The following ZNF91 variants were observed in gnomAD, a reference collection of about 807,000 sequenced individuals.
ZNF91 encodes the protein zinc finger protein 91 (HPF7, HTF10).
In ZNF91, 7 loss-of-function variants were observed where a neutral mutation model predicts 12.6. The ratio of observed to expected loss-of-function variants is 0.55; its 90% CI spans 0.31 to 1.04. ZNF91 has a LOEUF of 1.04. Among genes scored for constraint, ZNF91 ranks in the 50% least tolerant of loss-of-function variants. ZNF91 has a pLI of 0.05. For synonymous variants in ZNF91, 453 were observed against 462.6 expected, an observed-to-expected ratio of 0.98 and a Z score of 0.27; for missense variants, 1,217 against 1,385.4, an observed-to-expected ratio of 0.88 and a Z score of 1.93.
intron 3 of ZNF91, among the ~76,000 whole-genome samples, chr19:23,369,931 A>G (rs540899645): frequency 6.3e-4 from 93 of 148,488 alleles, no homozygotes; most frequent in African/African-American, 2.3e-3. Context: ...TTATCTGCTG[A>G]CCTTCCCTCC....
intron 1 of ZNF91, among the ~76,000 whole-genome samples, chr19:23,309,962 C>T (rs1391419801): frequency 6.6e-6 from 1 of 152,034 alleles, no homozygotes; most frequent in Non-Finnish European, 1.5e-5. Flanking sequence ...GGATGCAGTC[C>T]ACAGTTAAAA....
At position 23,360,202 on chromosome 19, in the gene ZNF91, G is replaced by C. The variant is rs1327955365; in HGVS notation, c.2777C>G (p.Thr926Ser). 6.2e-7 allele frequency: 1 copy of C among 1,613,840 alleles called. No homozygotes were observed. Among genetic ancestry groups the C allele is most frequent in the Middle Eastern group, 1.7e-4 (1 of 6,060 alleles). ...TCCAGTGTGCATCCTCTTATGTGTA[G>C]TAAGGTGTGAAGGCTGGCTAAATGC... Reference protein sequence around the residue: ...GKAFSQPSHLTTHKRMHTGEK... With the variant: ...GKAFSQPSHLSTHKRMHTGEK... The change falls in exon 4 of 4, where the codon ACT becomes AGT. Residue 926 changes from threonine (T) to serine (S), a missense_variant. Physicochemically the swap from Thr to Ser is moderately conservative, Grantham distance 58 (BLOSUM62 1). Transcript: ENST00000300619.
chr19:23,360,623 T>C lies in ZNF91; in HGVS notation c.2356A>G (p.Thr786Ala), dbSNP rs1968699559. 6.2e-7 allele frequency: 1 copy of C among 1,613,848 alleles called. No individual in the cohort carries two copies. The highest frequency in any genetic ancestry group is 8.5e-7 in the Non-Finnish European group (1 of 1,179,912). The stretch of plus-strand genomic sequence containing the variant: ...CCAGTGTGTATCCTCTTATGTCTAG[T>C]TAGGGTTGAAGACCATATAAATGCT... Reference protein sequence around the residue: ...GKAFIWSSTLTRHKRIHTGEK... With the variant: ...GKAFIWSSTLARHKRIHTGEK... The change falls in exon 4 of 4, where the codon ACT (threonine) becomes GCT (alanine). Residue 786 changes from threonine to alanine, a missense_variant. Around this residue, in one of 2 missense-constraint regions of ZNF91, gnomAD observed 491 missense variants for 489.8 expected, o/e 1.00. Transcript: ENST00000300619.
At chr19:23,378,474 G>A (rs1969583432) in intron 1 of ZNF91, among the ~76,000 whole-genome samples, 1 of 152,136 alleles carries the variant, frequency 6.6e-6, no homozygotes, top group Admixed American at 6.5e-5. Flanking sequence ...AACGAAAACA[G>A]AAACTTAAAT....
intron 1 of ZNF91, among the ~76,000 whole-genome samples, chr19:23,385,802 C>T (rs548893981): frequency 7.9e-5 from 12 of 152,138 alleles, no homozygotes; most frequent in Non-Finnish European, 1.5e-4. Context: ...TTGAATTTTA[C>T]GGGTTTTGGA....
intron 2 of ZNF91, among the ~76,000 whole-genome samples, chr19:23,374,284 C>A (rs1172434163): frequency 9.9e-5 from 15 of 151,300 alleles, no homozygotes; most frequent in Admixed American, 9.9e-4. Context: ...GAAATGAAGC[C>A]TGTAATCCCA....
rs576565919 is a variant in ZNF91 at position 23,381,441 on chromosome 19, C to T, written c.31-6677G>A. On this transcript the variant is annotated intron_variant, in intron 1 of 3. Coordinates refer to ENST00000300619, the MANE Select transcript of ZNF91 (RefSeq NM_003430.4). ...CACACTCCACTTTTCAGTTTATAAACTGAACTCTTTTTTTCTTTCTCTTTT... is the reference window on the plus strand; with the variant it reads ...CACACTCCACTTTTCAGTTTATAAATTGAACTCTTTTTTTCTTTCTCTTTT... Among the ~76,000 whole-genome samples, 6 of 151,060 alleles carry T rather than the reference C, an allele frequency of 4.0e-5. No individual in the cohort carries two copies. The East Asian group carries it at 9.7e-4, about 24-fold the overall frequency.
chr19:23,347,391 T>G lies in ZNF91; in HGVS notation c.254-8337A>C, dbSNP rs80058882. On this transcript the variant is annotated intron_variant, in intron 3 of 3. Transcript: ENST00000599743. ...CCTGCAGAAAGCTACCGTCATTCAT[T>G]GCAGGGACCATCAAACCCCAGACAA... Among the ~76,000 whole-genome samples, 545 of 152,264 alleles carry G rather than the reference T, an allele frequency of 3.6e-3. 3 individuals carry two copies. The highest frequency in any genetic ancestry group is 0.013 in the African/African-American group (529 of 41,556).
chr19:23,380,072 T>C (rs961277876), intron 1 of ZNF91, among the ~76,000 whole-genome samples: 3 of 151,846 alleles, frequency 2.0e-5, no homozygotes, highest in South Asian at 2.1e-4. Context: ...CTGGTCAACA[T>C]AGTGAAGCCC....
intron 1 of ZNF91, among the ~76,000 whole-genome samples, chr19:23,316,203 G>A (rs73018387): frequency 0.063 from 8,779 of 140,356 alleles, 347 homozygotes; most frequent in Non-Finnish European, 0.095. Flanking sequence ...CACATGTTTT[G>A]GGTTTTGTGA....
chr19:23,324,804 G>C (rs541340772), intron 1 of ZNF91: 2 of 151,950 alleles, frequency 1.3e-5, no homozygotes, highest in Non-Finnish European at 2.9e-5. Flanking sequence ...ACTTCTGGGC[G>C]CAAGCTCTCT....
At chr19:23,383,577 AC>A (rs1969785159) in intron 1 of ZNF91, among the ~76,000 whole-genome samples, 1 of 151,902 alleles carries the variant, frequency 6.6e-6, no homozygotes. Context: ...AATCCCAGCT[AC>A]TCAAGAGGCC....
At chr19:23,314,657 T>C (rs1390560681), upstream of ZNF91, among the ~76,000 whole-genome samples, 1 of 152,176 alleles carries the variant, frequency 6.6e-6, no homozygotes, top group African/African-American at 2.4e-5. Flanking sequence ...TTCTTCATCC[T>C]GAGGCTTACC....
chr19:23,380,787 T>C (rs1969687837), intron 1 of ZNF91: 1 of 152,202 alleles, frequency 6.6e-6, no homozygotes, highest in Non-Finnish European at 1.5e-5. Flanking sequence ...AGAAGATTTT[T>C]TTCTATCTCT....
intron 2 of ZNF91, 77 bp downstream of exon 2, chr19:23,374,559 CAA>C (rs59471254): frequency 0.035 from 30,351 of 860,508 alleles, no homozygotes; most frequent in East Asian, 0.076. Flanking sequence ...GACTCTGTCT[CAA>C]AAAAAAAAAA....
intron 3 of ZNF91, among the ~76,000 whole-genome samples, chr19:23,343,827 A>G (rs572410760): frequency 6.6e-6 from 1 of 152,342 alleles, no homozygotes; most frequent in South Asian, 2.1e-4. Context: ...CTTCTATCAG[A>G]CCTCAGCTTG....
intron 1 of ZNF91, among the ~76,000 whole-genome samples, chr19:23,375,047 G>T (rs886989958): frequency 1.3e-5 from 2 of 152,080 alleles, no homozygotes; most frequent in African/African-American, 4.8e-5. Context: ...GTACATTTTT[G>T]AGTGTTATAT....
rs1475806940 is a variant in ZNF91, at chr19:23,359,890, G to C, written c.3089C>G (p.Ala1030Gly). The change falls in exon 4 of 4, where the codon GCT becomes GGT. Residue 1030 changes from alanine to glycine, a missense_variant. By Grantham distance (60) the Ala-to-Gly change is moderately conservative (BLOSUM62 0). Coordinates refer to ENST00000300619, the MANE Select transcript of ZNF91 (RefSeq NM_003430.4). ...KPYKCEECGKAFNRSSKLTTH... is the reference protein window; with the variant it reads ...KPYKCEECGKGFNRSSKLTTH... ...AGTAAGCTTTGAGGATCGATTAAAA[G>C]CTTTGCCACATTCTTCACATTTGTA... 6.3e-7 allele frequency: 1 copy of C among 1,585,140 alleles called. No homozygotes were observed. The highest frequency in any genetic ancestry group is 8.6e-7 in the Non-Finnish European group (1 of 1,157,548).
chr19:23,364,046 T>C (rs116058128), intron 3 of ZNF91, among the ~76,000 whole-genome samples: 2,851 of 152,162 alleles, frequency 0.019, 76 homozygotes, highest in African/African-American at 0.065. Flanking sequence ...AGGCCAGGCA[T>C]GGTGGCTCAC....
Sources: allele counts gnomAD v4.1 joint callset (sites outside exome capture counted in the v4.1 genomes callset), GRCh38; gene constraint gnomAD v4.1.1; regional missense constraint gnomAD v4.1.1; transcripts MANE v1.5; gene names NCBI Gene and HGNC (gene_info 2026-07-23, HGNC 2026-07-21).